The following SLC29A4 variants were observed in gnomAD, a reference collection of about 807,000 sequenced individuals.
SLC29A4 encodes solute carrier family 29 member 4, also known as equilibrative nucleoside transporter 4.
Under a neutral mutation model 43.9 loss-of-function variants are expected in SLC29A4, and 36 were observed. The observed-to-expected ratio is 0.82, with a 90% CI of 0.63 to 1.08. The LOEUF (loss-of-function observed/expected upper bound fraction) is 1.08, where lower values mean the gene tolerates loss of function less well. SLC29A4 is among the 50% of genes least tolerant of loss of function. SLC29A4 has a pLI of 0.00. For synonymous variants in SLC29A4, 491 were observed against 338.0 expected (o/e 1.45, Z -4.97); for missense variants, 869 against 755.3 (o/e 1.15, Z -1.77).
At chr7:5,301,261 GGAAA>G (rs1562457018) in intron 10 of SLC29A4, among the ~76,000 whole-genome samples, 1 of 146,208 alleles carries the variant, frequency 6.8e-6, no homozygotes, top group Non-Finnish European at 1.5e-5. Flanking sequence ...TCCTGTCTGG[GGAAA>G]AAAAAAAAAA....
intron 1 of SLC29A4, among the ~76,000 whole-genome samples, chr7:5,283,347 C>CG (rs1406606192): frequency 7.0e-6 from 1 of 142,908 alleles, no homozygotes; most frequent in Non-Finnish European, 1.6e-5. Context: ...GAGCACCGCG[C>CG]GGGGGTCCTC....
chr7:5,289,804 C>G (rs1301426308), intron 2 of SLC29A4, among the ~76,000 whole-genome samples: 4 of 152,140 alleles, frequency 2.6e-5, no homozygotes, highest in African/African-American at 9.7e-5. Flanking sequence ...ATACAAGAAC[C>G]CGGTACAACC....
intron 10 of SLC29A4, among the ~76,000 whole-genome samples, chr7:5,300,960 G>C (rs1786119993): frequency 6.6e-6 from 1 of 152,168 alleles, no homozygotes; most frequent in Non-Finnish European, 1.5e-5. Context: ...TGACTGTCCA[G>C]ATGTGGAGGC....
Position 5,299,233 on chromosome 7 carries a change from C to G in SLC29A4, c.1022-7C>G. ...GCTGCCTCTGACCCCCGCCCGCCACCCTCCAGCCCTGTTACTGCACCGCTA... is the reference window on the plus strand; with the variant it reads ...GCTGCCTCTGACCCCCGCCCGCCACGCTCCAGCCCTGTTACTGCACCGCTA... On this transcript the variant is annotated splice_polypyrimidine_tract_variant and splice_region_variant and intron_variant, in intron 8 of 10. Coordinates refer to ENST00000396872, the MANE Select transcript of SLC29A4 (RefSeq NM_153247.4). The G allele has an allele frequency of 6.2e-7, 1 of 1,608,094 alleles. No homozygotes were observed. The highest frequency in any genetic ancestry group is 2.2e-5 in the East Asian group (1 of 44,760).
At chr7:5,287,554 C>A (rs1785036697) in intron 1 of SLC29A4, among the ~76,000 whole-genome samples, 1 of 152,234 alleles carries the variant, frequency 6.6e-6, no homozygotes, top group Admixed American at 6.5e-5. Flanking sequence ...TGTGGTGAAA[C>A]TGAGGCTCAG....
intron 2 of SLC29A4, among the ~76,000 whole-genome samples, 183 bp downstream of exon 2, chr7:5,288,168 C>G (rs1004529165): frequency 6.6e-5 from 10 of 152,190 alleles, no homozygotes; most frequent in Admixed American, 5.9e-4. Context: ...TGTCTCCGCC[C>G]TGATGCTGCA....
Position 5,302,832 on chromosome 7 carries a change from A to G in SLC29A4, c.1486A>G (p.Thr496Ala), listed in dbSNP as rs1786263963. Residue 496 changes from threonine to alanine, a missense_variant, in exon 11 of 11, where the codon ACG becomes GCG. By Grantham distance (58) the Thr-to-Ala change is moderately conservative. Transcript: ENST00000396872. ...GACCGTGTCCTACATGTCAGGGCTG[A>G]CGCTGGGGTCCGCCGTGGCCTACTG... ...TMTVSYMSGL[T>A]LGSAVAYCTY... The G allele has an allele frequency of 6.3e-7, 1 of 1,576,106 alleles. No homozygotes were observed. Among genetic ancestry groups the G allele is most frequent in the Admixed American group, 1.8e-5 (1 of 54,712 alleles).
chr7:5,295,020 C>T (rs1443121775), intron 6 of SLC29A4, 86 bp downstream of exon 6: 15 of 1,211,012 alleles, frequency 1.2e-5, no homozygotes, highest in Non-Finnish European at 1.6e-5. Context: ...CCATGATGCT[C>T]CCCGGTCTGG....
In SLC29A4 at chr7:5,283,385, C is replaced by G. The variant is rs559026400; in HGVS notation, c.-9+303C>G. ...GCACGAAGTTCCTCCCCGGACCCCC[C>G]CGCGCCACCCCATCGCTCCCCTGCC... is the stretch of plus-strand genomic sequence containing the variant. On this transcript the variant is annotated intron_variant, in intron 1 of 10. Transcript: ENST00000396872. 1.1e-4 allele frequency among the ~76,000 whole-genome samples: 17 copies of G among 152,112 alleles called. No individual in the cohort carries two copies. The East Asian group carries it at 3.3e-3, about 30-fold the overall frequency.
chr7:5,295,461 T>C (rs904837969), intron 6 of SLC29A4, among the ~76,000 whole-genome samples: 4 of 152,118 alleles, frequency 2.6e-5, no homozygotes, highest in Non-Finnish European at 5.9e-5. Flanking sequence ...TGGCACCCCT[T>C]TGCTCACGCC....
intron 1 of SLC29A4, among the ~76,000 whole-genome samples, chr7:5,283,707 G>A (rs1233410986): frequency 1.3e-5 from 2 of 152,158 alleles, no homozygotes; most frequent in East Asian, 1.9e-4. Context: ...AGTTGGAGCA[G>A]CTTAGACCGC....
intron 5 of SLC29A4, among the ~76,000 whole-genome samples, chr7:5,293,096 T>C (rs1295156986): frequency 6.6e-6 from 1 of 151,430 alleles, no homozygotes; most frequent in African/African-American, 2.4e-5. Context: ...CACCCACCCC[T>C]GTGTTTCATG....
chr7:5,293,043 C>T (rs1785412360), intron 5 of SLC29A4, among the ~76,000 whole-genome samples: 1 of 151,386 alleles, frequency 6.6e-6, no homozygotes, highest in Non-Finnish European at 1.5e-5. Context: ...GACCCAACAT[C>T]CTCTCTAGAT....
At position 5,296,953 on chromosome 7, in the gene SLC29A4, A is replaced by ATC; in HGVS notation, c.643_644dup (p.Ser216Ter). Reference sequence around the variant, plus strand: ...CCCCCCAGGCACGGCGGGCGTGATGATCTCTCTGAGCCGCATCCTCACGAA... The same window carrying ATC: ...CCCCCCAGGCACGGCGGGCGTGATGATCTCTCTCTGAGCCGCATCCTCACGAA... On this transcript the variant is annotated frameshift_variant, in exon 7 of 11. Coordinates refer to ENST00000396872, the MANE Select transcript of SLC29A4 (RefSeq NM_153247.4). LOFTEE classifies it high-confidence loss of function. 1 of 1,592,818 alleles carries ATC rather than the reference A, an allele frequency of 6.3e-7. No homozygotes were observed. The highest frequency in any genetic ancestry group is 8.5e-7 in the Non-Finnish European group (1 of 1,176,874).
intron 1 of SLC29A4, among the ~76,000 whole-genome samples, chr7:5,284,239 A>G (rs1279360522): frequency 6.6e-6 from 1 of 152,220 alleles, no homozygotes; most frequent in Non-Finnish European, 1.5e-5. Context: ...AAATTAAAAA[A>G]ATTAATAAAT....
chr7:5,302,446 A>G lies in SLC29A4; in HGVS notation c.1451-351A>G, dbSNP rs185412331. The stretch of plus-strand genomic sequence containing the variant: ...TGGTCCCAGGTACTCGGGAGGCTGA[A>G]GTGGGAGGATCGCGTGAGCCCAGGA... On this transcript the variant is annotated intron_variant, in intron 10 of 10. Transcript: ENST00000396872. Among the ~76,000 whole-genome samples the G allele has an allele frequency of 2.6e-5, 4 of 152,276 alleles. No individual in the cohort carries two copies. In the East Asian group the frequency reaches 7.7e-4, roughly 29 times the overall value.
intron 2 of SLC29A4, among the ~76,000 whole-genome samples, chr7:5,290,430 C>G (rs1785232076): frequency 1.3e-5 from 2 of 152,188 alleles, no homozygotes; most frequent in African/African-American, 2.4e-5. Context: ...CTCCTGAGTT[C>G]AGGTGATCTG....
In SLC29A4 at chr7:5,303,053, G is replaced by A. The variant is rs1786284219; in HGVS notation, c.*114G>A. 3 of 1,266,348 alleles carry A rather than the reference G, an allele frequency of 2.4e-6. No individual in the cohort carries two copies. Among genetic ancestry groups the A allele is most frequent in the Non-Finnish European group, 3.2e-6 (3 of 924,062 alleles). The allele number at this position is 1,266,348 out of a possible 1,614,324, so 78.4% of individuals were successfully genotyped here. A position where few individuals can be genotyped will look rare whatever the true frequency, so the allele number is the denominator to read the frequency against. Reference sequence around the variant, plus strand: ...TGCGGGGCCCTGAGCCTCCCCCTGTGCCAGCAGCCCCACTCCCTCAGGGTC... The same window carrying A: ...TGCGGGGCCCTGAGCCTCCCCCTGTACCAGCAGCCCCACTCCCTCAGGGTC... On this transcript the variant is annotated 3_prime_UTR_variant, in exon 11 of 11. Coordinates refer to ENST00000396872, the MANE Select transcript of SLC29A4 (RefSeq NM_153247.4).
intron 6 of SLC29A4, 91 bp from the exon 7 acceptor site, chr7:5,296,845 A>AG (rs1785709526): frequency 8.5e-7 from 1 of 1,176,442 alleles, no homozygotes; most frequent in South Asian, 1.8e-5. Context: ...GCCGGTGGGG[A>AG]GGGGTCTGTG....
Sources: gnomAD v4.1 joint callset for allele counts (sites outside exome capture counted in the v4.1 genomes callset) on GRCh38, gnomAD v4.1.1 for gene constraint, MANE v1.5 for transcripts, NCBI Gene and HGNC (gene_info 2026-07-23, HGNC 2026-07-21) for gene names.